Variants in CDK17 observed in about 807,000 individuals in gnomAD.
CDK17 encodes cyclin dependent kinase 17.
A neutral mutation model predicts 77.6 loss-of-function variants in CDK17; 24 were observed. The ratio of observed to expected loss-of-function variants is 0.31; its 90% CI spans 0.22 to 0.44. The LOEUF is 0.44. Ranked by LOEUF, CDK17 falls within the 20% of genes least tolerant of loss-of-function variation. CDK17 has a pLI of 1.00. For synonymous variants in CDK17, 203 were observed against 210.4 expected (o/e 0.96, Z 0.30); for missense variants, 429 against 622.5 (o/e 0.69, Z 3.31).
intron 5 of CDK17, among the ~76,000 whole-genome samples, chr12:96,305,492 A>G (rs879582608): frequency 2.0e-5 from 3 of 146,436 alleles, no homozygotes; most frequent in Non-Finnish European, 4.7e-5. Context: ...AACTAAAATT[A>G]TGTTTATGTA....
intron 1 of CDK17, among the ~76,000 whole-genome samples, chr12:96,351,098 C>T (rs1229178813): frequency 6.6e-6 from 1 of 152,140 alleles, no homozygotes; most frequent in African/African-American, 2.4e-5. Context: ...AACATTATTA[C>T]TCATTGGAGA....
chr12:96,313,104 G>A (rs1952665364), intron 4 of CDK17, among the ~76,000 whole-genome samples: 1 of 151,956 alleles, frequency 6.6e-6, no homozygotes, highest in South Asian at 2.1e-4. Context: ...CACAGAATGC[G>A]AACAACTATA....
intron 1 of CDK17, among the ~76,000 whole-genome samples, chr12:96,336,800 T>C (rs1246791060): frequency 6.6e-6 from 1 of 152,220 alleles, no homozygotes; most frequent in East Asian, 1.9e-4. Context: ...TCCATTTGAC[T>C]CCTTCCTGCA....
At chr12:96,298,194 G>A (rs1313985063) in intron 7 of CDK17, among the ~76,000 whole-genome samples, 1 of 151,902 alleles carries the variant, frequency 6.6e-6, no homozygotes, top group Non-Finnish European at 1.5e-5. Context: ...GGCTAAGGCA[G>A]GAGAATGGCG....
chr12:96,288,727 T>TA (rs1205749662), intron 11 of CDK17, among the ~76,000 whole-genome samples: 1 of 152,142 alleles, frequency 6.6e-6, no homozygotes, highest in Non-Finnish European at 1.5e-5. Context: ...ACTACAATAT[T>TA]TTGATTATTA....
intron 1 of CDK17, among the ~76,000 whole-genome samples, chr12:96,351,560 T>C (rs1277060000): frequency 6.6e-6 from 1 of 152,240 alleles, no homozygotes. Flanking sequence ...AAATATTATA[T>C]GATTCTACTT....
At chr12:96,387,446 T>C (rs1953993858) in intron 1 of CDK17, among the ~76,000 whole-genome samples, 1 of 152,196 alleles carries the variant, frequency 6.6e-6, no homozygotes, top group African/African-American at 2.4e-5. Context: ...GTTACAAGCA[T>C]GCCTTTAGAT....
At chr12:96,373,917 C>T (rs1347253081) in intron 1 of CDK17, among the ~76,000 whole-genome samples, 1 of 152,090 alleles carries the variant, frequency 6.6e-6, no homozygotes, top group Non-Finnish European at 1.5e-5. Context: ...GAAGACCACT[C>T]CACCCTGGGC....
chr12:96,280,554 G>A, intron 16 of CDK17: 34 of 1,412,282 alleles, frequency 2.4e-5, no homozygotes, highest in Non-Finnish European at 3.0e-5. Flanking sequence ...CAGGTCACTT[G>A]TAAAAGGTCT....
At chr12:96,339,821 T>C (rs186896135) in intron 1 of CDK17, among the ~76,000 whole-genome samples, 2 of 151,936 alleles carry the variant, frequency 1.3e-5, no homozygotes, top group African/African-American at 4.8e-5. Context: ...TCCTAGCTAC[T>C]TGGGCTGAGG....
intron 1 of CDK17, 61 bp downstream of exon 1, chr12:96,399,925 G>C (rs1229944314): frequency 6.4e-6 from 2 of 313,116 alleles, no homozygotes; most frequent in Admixed American, 5.0e-5. Context: ...GCAGCCTCCC[G>C]GCCCCGCGGC....
chr12:96,300,472 C>A (rs1454047658), intron 5 of CDK17, 112 bp from the exon 6 acceptor site: 3 of 622,470 alleles, frequency 4.8e-6, no homozygotes, highest in Non-Finnish European at 5.6e-6. Context: ...TCTTGGCTTA[C>A]TGCAACCTCC....
chr12:96,311,893 G>A (rs1296386995), intron 4 of CDK17, among the ~76,000 whole-genome samples: 5 of 151,986 alleles, frequency 3.3e-5, no homozygotes, highest in African/African-American at 2.4e-5. Flanking sequence ...ATCACAATAA[G>A]CTTATTCTTA....
chr12:96,344,779 T>A lies in CDK17; in HGVS notation c.-29-9914A>T, dbSNP rs1953175826. On this transcript the variant is annotated intron_variant, in intron 1 of 16. Coordinates refer to ENST00000261211, the MANE Select transcript of CDK17 (RefSeq NM_002595.5). ...ATTATAAAAGAGAGTATTAACGCAC[T>A]TTTGGTTTTTAACTTTTTGCTTTTC... Among the ~76,000 whole-genome samples, 4 of 152,240 alleles carry A rather than the reference T, an allele frequency of 2.6e-5. No individual in the cohort carries two copies. The South Asian group carries it at 8.3e-4, about 32-fold the overall frequency.
chr12:96,338,770 GGTTTT>G (rs1953082530), intron 1 of CDK17, among the ~76,000 whole-genome samples: 1 of 116,014 alleles, frequency 8.6e-6, no homozygotes, highest in African/African-American at 3.3e-5. Context: ...AAGCCACTAA[GGTTTT>G]TTTTTTTTTA....
At position 96,380,480 on chromosome 12, in the gene CDK17, G is replaced by A. The variant is rs150828058; in HGVS notation, c.-30+19506C>T. Among the ~76,000 whole-genome samples, 1,505 of 151,990 alleles carry A rather than the reference G, an allele frequency of 9.9e-3. 49 individuals are homozygous for A. Among genetic ancestry groups the A allele is most frequent in the Admixed American group, 0.064 (981 of 15,270 alleles). On this transcript the variant is annotated intron_variant, in intron 1 of 16. Coordinates refer to ENST00000261211, the MANE Select transcript of CDK17 (RefSeq NM_002595.5). ...ATTTTTGTATTTTTAGTAGAGAGAC[G>A]GGGTTTCGCCATCTTGGCCAGACTG...
In CDK17 at chr12:96,399,990, A is replaced by G. The variant is rs1954233620; in HGVS notation, c.-34T>C. On this transcript the variant is annotated 5_prime_UTR_variant, in exon 1 of 17. Coordinates refer to ENST00000261211, the MANE Select transcript of CDK17 (RefSeq NM_002595.5). ...GGACGCCAGCCGCCAACTCACCAGC[A>G]AGAGCGGGGACCGCGGGTCCCGAGG... 1 of 376,088 alleles carries G rather than the reference A, an allele frequency of 2.7e-6. No individual in the cohort carries two copies. The allele number at this position is 376,088 out of a possible 1,614,324, so 23.3% of individuals were successfully genotyped here. A position where few individuals can be genotyped will look rare whatever the true frequency, so the allele number is the denominator to read the frequency against.
At chr12:96,344,807 G>GT (rs779649852) in intron 1 of CDK17, among the ~76,000 whole-genome samples, 7 of 152,052 alleles carry the variant, frequency 4.6e-5, no homozygotes, top group African/African-American at 1.4e-4. Context: ...TGCTTTTCTT[G>GT]TTTTTTTAAT....
intron 5 of CDK17, among the ~76,000 whole-genome samples, chr12:96,308,765 A>AATAATAATAATAATG (rs1383284887): frequency 1.4e-5 from 2 of 148,076 alleles, no homozygotes; most frequent in Admixed American, 6.7e-5. Flanking sequence ...TAATAATAAT[A>AATAATAATAATAATG]ATGTAAAAAA....
Sources: gnomAD v4.1 joint callset for allele counts (sites outside exome capture counted in the v4.1 genomes callset) on GRCh38, gnomAD v4.1.1 for gene constraint, MANE v1.5 for transcripts, NCBI Gene and HGNC (gene_info 2026-07-23, HGNC 2026-07-21) for gene names.